The following ADGRL3 variants were observed in gnomAD, a reference collection of about 807,000 sequenced individuals.
ADGRL3 encodes calcium-independent alpha-latrotoxin receptor 3.
ADGRL3 carries 62 observed loss-of-function variants against 153.5 expected under a neutral mutation model. The ratio of observed to expected loss-of-function variants is 0.40; its 90% CI spans 0.33 to 0.50. The LOEUF (loss-of-function observed/expected upper bound fraction) is 0.50, where lower values mean the gene tolerates loss of function less well. Among genes scored for constraint, ADGRL3 ranks in the 20% least tolerant of loss-of-function variants. The pLI is 0.47. For synonymous variants in ADGRL3, 710 were observed against 672.5 expected (o/e 1.06, Z -0.86); for missense variants, 1,641 against 1,859.4 (o/e 0.88, Z 2.16).
At chr4:61,452,121 T>C (rs773426510) in intron 2 of ADGRL3, among the ~76,000 whole-genome samples, 8 of 152,280 alleles carry the variant, frequency 5.3e-5, no homozygotes, top group Non-Finnish European at 1.2e-4. Context: ...TCTGCATGAA[T>C]GTCCCTCAAT....
chr4:61,905,390 T>A (rs1428691764), intron 11 of ADGRL3, among the ~76,000 whole-genome samples: 2 of 152,210 alleles, frequency 1.3e-5, no homozygotes, highest in Non-Finnish European at 1.5e-5. Flanking sequence ...TTTAATCACA[T>A]TTATATCACT....
chr4:61,626,365 A>G (rs921039083), intron 5 of ADGRL3, among the ~76,000 whole-genome samples: 4 of 151,988 alleles, frequency 2.6e-5, no homozygotes, highest in African/African-American at 9.7e-5. Flanking sequence ...TTAGGTAAGA[A>G]CCAAGTTGGT....
In ADGRL3 at chr4:61,768,248, A is replaced by G. The variant is rs187401045; in HGVS notation, c.1399+34694A>G. On this transcript the variant is annotated intron_variant, in intron 8 of 26. Coordinates refer to ENST00000683033, the MANE Select transcript of ADGRL3 (RefSeq NM_001387552.1). ...TAGTCACAGAAGGAAACTGTAAGCC[A>G]GACCAGGTGTGAGGAGGGGAGGCAA... 9.5e-3 allele frequency among the ~76,000 whole-genome samples: 1,434 copies of G among 151,666 alleles called. 14 individuals are homozygous for G. The highest frequency in any genetic ancestry group is 0.017 in the Non-Finnish European group (1,138 of 67,836).
chr4:61,778,000 C>A (rs2097172791), intron 8 of ADGRL3, among the ~76,000 whole-genome samples: 1 of 152,126 alleles, frequency 6.6e-6, no homozygotes, highest in South Asian at 2.1e-4. Context: ...AATTAGAAAT[C>A]TGAAATGCTC....
intron 13 of ADGRL3, among the ~76,000 whole-genome samples, chr4:61,925,694 C>T (rs1050667682): frequency 5.9e-5 from 9 of 152,092 alleles, no homozygotes; most frequent in African/African-American, 2.2e-4. Flanking sequence ...CAAGAACTCA[C>T]TCACTATAGT....
Position 61,847,675 on chromosome 4 carries a change from ATATAT to A in ADGRL3, c.1480+33792_1480+33796del, listed in dbSNP as rs1208294622. 9.3e-5 allele frequency among the ~76,000 whole-genome samples: 5 copies of A among 53,598 alleles called. No homozygotes were observed. In the East Asian group the frequency reaches 1.5e-3, roughly 16 times the overall value. 35.2% of individuals were successfully genotyped at this position (53,598 alleles called of 152,430 possible). ...AAATATATTATATATATAATATAAAATATATTATATATATAATATAAAATATATTA... is the reference window on the plus strand; with the variant it reads ...AAATATATTATATATATAATATAAAATATATATATAATATAAAATATATTA... On this transcript the variant is annotated intron_variant, in intron 9 of 26. Transcript: ENST00000683033.
intron 2 of ADGRL3, among the ~76,000 whole-genome samples, chr4:61,484,052 C>G (rs1193945397): frequency 6.6e-6 from 1 of 151,898 alleles, no homozygotes; most frequent in South Asian, 2.1e-4. Context: ...GATTCCTTTT[C>G]TACTTAGGTC....
At chr4:62,045,859 C>T (rs988853042) in intron 25 of ADGRL3, among the ~76,000 whole-genome samples, 4 of 151,804 alleles carry the variant, frequency 2.6e-5, no homozygotes, top group African/African-American at 7.2e-5. Context: ...TATTTTGTTT[C>T]GTTATTAGTT....
chr4:61,730,432 A>T (rs1459359473), intron 6 of ADGRL3, among the ~76,000 whole-genome samples, 190 bp from the exon 7 acceptor site: 2 of 151,814 alleles, frequency 1.3e-5, no homozygotes, highest in Non-Finnish European at 2.9e-5. Flanking sequence ...ATATAATATG[A>T]TTATTTTTAA....
chr4:61,698,202 A>G (rs143485713), intron 6 of ADGRL3, among the ~76,000 whole-genome samples: 3,733 of 152,296 alleles, frequency 0.025, 66 homozygotes, highest in Non-Finnish European at 0.036. Context: ...CTGTAATCCT[A>G]GCACTTTGGG....
intron 17 of ADGRL3, among the ~76,000 whole-genome samples, chr4:61,949,377 A>G (rs192092108): frequency 6.6e-6 from 1 of 152,328 alleles, no homozygotes; most frequent in East Asian, 1.9e-4. Flanking sequence ...ATTGTATGTC[A>G]TAAACTAAAT....
chr4:61,247,079 T>A (rs1341893491), intron 1 of ADGRL3, among the ~76,000 whole-genome samples: 8 of 152,106 alleles, frequency 5.3e-5, no homozygotes, highest in Admixed American at 5.2e-4. Context: ...ATTTTTTCTG[T>A]AAATTTTAGT....
At position 61,485,924 on chromosome 4, in the gene ADGRL3, T is replaced by G. The variant is rs112429573; in HGVS notation, c.-173-11197T>G. Reference sequence around the variant, plus strand: ...CTCAGCTATGGAATGCTTTTTTTTTTTTGTTTTGTTTGTTTGTTTGTTTGT... The same window carrying G: ...CTCAGCTATGGAATGCTTTTTTTTTGTTGTTTTGTTTGTTTGTTTGTTTGT... On this transcript the variant is annotated intron_variant, in intron 2 of 26. Transcript: ENST00000683033. Among the ~76,000 whole-genome samples the G allele has an allele frequency of 8.5e-3, 1,292 of 152,058 alleles. 18 individuals are homozygous for G. The highest frequency in any genetic ancestry group is 0.029 in the African/African-American group (1,220 of 41,474).
At chr4:61,984,554 G>A (rs139667339) in intron 19 of ADGRL3, among the ~76,000 whole-genome samples, 136 of 152,248 alleles carry the variant, frequency 8.9e-4, no homozygotes, top group African/African-American at 3.1e-3. Flanking sequence ...ATGACAGAGT[G>A]AGAACTCATC....
rs1429357956 is a variant in ADGRL3 at position 61,382,223 on chromosome 4, TACTA to T, written c.-239-898_-239-895del. On this transcript the variant is annotated intron_variant, in intron 1 of 26. Transcript: ENST00000683033. ...GTAGTTACTTAACCTCCTGATTGCA[TACTA>T]ACACTAATAGCATAAATAAATACTA... is the stretch of plus-strand genomic sequence containing the variant. Among the ~76,000 whole-genome samples, 3 of 151,568 alleles carry T rather than the reference TACTA, an allele frequency of 2.0e-5. No homozygotes were observed. The Admixed American group carries it at 2.0e-4, about 10-fold the overall frequency.
intron 2 of ADGRL3, among the ~76,000 whole-genome samples, chr4:61,456,458 T>TAG (rs564191358): frequency 7.9e-6 from 1 of 126,638 alleles, no homozygotes; most frequent in African/African-American, 3.0e-5. Flanking sequence ...TATATCTATA[T>TAG]ATATAGATAT....
chr4:61,587,191 C>T (rs1270386884), intron 4 of ADGRL3, 36 bp from the exon 5 acceptor site: 22 of 1,443,530 alleles, frequency 1.5e-5, no homozygotes, highest in African/African-American at 4.2e-5. Flanking sequence ...TATGTAGTAA[C>T]GATGGCATCT....
chr4:61,331,139 A>G (rs1026739514), intron 1 of ADGRL3, among the ~76,000 whole-genome samples: 26 of 152,148 alleles, frequency 1.7e-4, no homozygotes, highest in African/African-American at 6.0e-4. Context: ...TGTTTTCTAA[A>G]GAGAAGTGGG....
intron 5 of ADGRL3, among the ~76,000 whole-genome samples, chr4:61,621,657 G>A (rs2092521637): frequency 1.3e-5 from 2 of 151,868 alleles, no homozygotes; most frequent in Non-Finnish European, 2.9e-5. Context: ...GACAAACATA[G>A]CCCTTTTTTT....
Sources: allele counts gnomAD v4.1 joint callset (sites outside exome capture counted in the v4.1 genomes callset), GRCh38; gene constraint gnomAD v4.1.1; transcripts MANE v1.5; gene names NCBI Gene and HGNC (gene_info 2026-07-23, HGNC 2026-07-21).